Variants in CSMD3 observed in about 807,000 individuals in gnomAD.
CSMD3 encodes the protein CUB and Sushi multiple domains 3, also known as CUB and sushi domain-containing protein 3.
CSMD3 carries 177 observed loss-of-function variants against 435.2 expected under a neutral mutation model. The observed-to-expected ratio is 0.41, with a 90% confidence interval of 0.36 to 0.46. The LOEUF is 0.46. Ranked by LOEUF, CSMD3 falls within the 20% of genes least tolerant of loss-of-function variation. CSMD3 has a pLI of 0.34. For synonymous variants in CSMD3, 1,656 were observed against 1,520.5 expected (o/e 1.09, Z -2.07); for missense variants, 4,265 against 4,504.6 (o/e 0.95, Z 1.52).
intron 7 of CSMD3, among the ~76,000 whole-genome samples, chr8:112,956,504 T>C (rs2084025021): frequency 1.3e-5 from 2 of 152,188 alleles, no homozygotes; most frequent in Non-Finnish European, 2.9e-5. Flanking sequence ...CCTCTACTTT[T>C]CTCTGCATTA....
chr8:113,391,671 A>G (rs2094461685), intron 1 of CSMD3, among the ~76,000 whole-genome samples: 1 of 152,044 alleles, frequency 6.6e-6, no homozygotes, highest in African/African-American at 2.4e-5. Context: ...CAGATGTGAG[A>G]ATGAATAGAG....
intron 54 of CSMD3, 105 bp downstream of exon 54, chr8:112,295,728 A>G: frequency 1.0e-6 from 1 of 952,888 alleles, no homozygotes; most frequent in African/African-American, 1.6e-5. Flanking sequence ...TTTACTTTAT[A>G]TTGATATATA....
intron 35 of CSMD3, among the ~76,000 whole-genome samples, chr8:112,393,834 C>T (rs1830644953): frequency 6.6e-6 from 1 of 152,082 alleles, no homozygotes; most frequent in Non-Finnish European, 1.5e-5. Context: ...TTTGCTTGAA[C>T]ATCAGAACAC....
chr8:112,550,105 A>G (rs1007366586), intron 27 of CSMD3, among the ~76,000 whole-genome samples: 1 of 152,064 alleles, frequency 6.6e-6, no homozygotes, highest in Non-Finnish European at 1.5e-5. Flanking sequence ...TGCCATGAGA[A>G]GAAAAAAATT....
chr8:113,395,668 G>A (rs1475409274), intron 1 of CSMD3, among the ~76,000 whole-genome samples: 1 of 151,320 alleles, frequency 6.6e-6, no homozygotes, highest in Non-Finnish European at 1.5e-5. Flanking sequence ...GATATATGAA[G>A]GAAAGTATTT....
intron 22 of CSMD3, among the ~76,000 whole-genome samples, chr8:112,605,021 T>C (rs1230008238): frequency 6.6e-6 from 1 of 152,088 alleles, no homozygotes; most frequent in African/African-American, 2.4e-5. Context: ...CCAATAAGCA[T>C]ATAAAAAATG....
At chr8:113,174,498 C>A (rs534863367) in intron 3 of CSMD3, among the ~76,000 whole-genome samples, 5 of 152,046 alleles carry the variant, frequency 3.3e-5, no homozygotes, top group African/African-American at 1.2e-4. Flanking sequence ...TAAGTGCAAA[C>A]AGTTGTAACA....
At chr8:112,606,727 A>T (rs1006043844) in intron 22 of CSMD3, among the ~76,000 whole-genome samples, 52 of 152,324 alleles carry the variant, frequency 3.4e-4, no homozygotes, top group African/African-American at 1.2e-3. Flanking sequence ...GAAGTTGGTA[A>T]CAGGAGGAAA....
chr8:112,527,033 G>C (rs1166638362), intron 27 of CSMD3, among the ~76,000 whole-genome samples: 1 of 151,510 alleles, frequency 6.6e-6, no homozygotes, highest in East Asian at 1.9e-4. Context: ...ATGATGGTAA[G>C]AAAAAAGTAA....
chr8:113,088,936 A>C (rs1472724), intron 5 of CSMD3, among the ~76,000 whole-genome samples: 102,220 of 152,054 alleles, frequency 0.67, 35,974 homozygotes, highest in East Asian at 0.95. Flanking sequence ...TACATTCTAC[A>C]CCAGCAAAGA....
At chr8:112,283,694 T>C (rs1273160539) in intron 58 of CSMD3, among the ~76,000 whole-genome samples, 1 of 151,742 alleles carries the variant, frequency 6.6e-6, no homozygotes, top group Non-Finnish European at 1.5e-5. Flanking sequence ...ACCAATTCCC[T>C]GTTGAAAAAC....
chr8:112,865,558 C>T (rs1334372516), intron 10 of CSMD3, among the ~76,000 whole-genome samples: 1 of 152,080 alleles, frequency 6.6e-6, no homozygotes, highest in African/African-American at 2.4e-5. Context: ...AATGTTCACA[C>T]TTTAAGACCC....
chr8:112,879,628 C>T (rs530535837), intron 10 of CSMD3, among the ~76,000 whole-genome samples: 249 of 152,192 alleles, frequency 1.6e-3, no homozygotes, highest in Non-Finnish European at 3.1e-3. Flanking sequence ...AACCTGCCGA[C>T]ATGTGATGCC....
chr8:113,312,435 C>T (rs1408977250), intron 2 of CSMD3: 1 of 152,058 alleles, frequency 6.6e-6, no homozygotes, highest in Admixed American at 6.6e-5. Context: ...GAATTAAGTG[C>T]TATTATTCCC....
At chr8:113,148,212 C>T (rs914180785) in intron 4 of CSMD3, among the ~76,000 whole-genome samples, 2 of 151,648 alleles carry the variant, frequency 1.3e-5, no homozygotes, top group African/African-American at 2.4e-5. Flanking sequence ...CTCAAAAATA[C>T]CAAATAATTT....
At chr8:113,046,299 C>T (rs538421621) in intron 5 of CSMD3, among the ~76,000 whole-genome samples, 2 of 148,992 alleles carry the variant, frequency 1.3e-5, no homozygotes, top group Admixed American at 6.7e-5. Context: ...AACCCTCTTG[C>T]GGAGTTTTAA....
In CSMD3 at chr8:112,319,037, C is replaced by G. The variant is rs1374823910; in HGVS notation, c.7247-87G>C. The G allele has an allele frequency of 5.0e-6, 4 of 805,510 alleles. No homozygotes were observed. The East Asian group carries it at 1.0e-4, about 21-fold the overall frequency. 49.9% of individuals were successfully genotyped at this position (805,510 alleles called of 1,614,324 possible). On this transcript the variant is annotated intron_variant, in intron 46 of 70. Transcript: ENST00000297405. ...TATTTCAATTGTAGGAGAATATTTTCTCCTTTAGTTATTTTCAATCAGTAT... is the reference window on the plus strand; with the variant it reads ...TATTTCAATTGTAGGAGAATATTTTGTCCTTTAGTTATTTTCAATCAGTAT...
chr8:113,027,852 C>A (rs1027774204), intron 5 of CSMD3, among the ~76,000 whole-genome samples: 15 of 151,958 alleles, frequency 9.9e-5, no homozygotes, highest in Non-Finnish European at 1.8e-4. Flanking sequence ...TCTTATAGAT[C>A]TGGGTTCCTT....
chr8:112,864,881 G>A (rs897572107), intron 10 of CSMD3, among the ~76,000 whole-genome samples: 1 of 152,168 alleles, frequency 6.6e-6, no homozygotes, highest in South Asian at 2.1e-4. Context: ...TAGTGCTTTA[G>A]ACAGAGTTGA....
Sources: gnomAD v4.1 joint callset for allele counts (sites outside exome capture counted in the v4.1 genomes callset) on GRCh38, gnomAD v4.1.1 for gene constraint, MANE v1.5 for transcripts, NCBI Gene and HGNC (gene_info 2026-07-23, HGNC 2026-07-21) for gene names.